UBE2D3: variants seen among roughly 807,000 people sequenced by gnomAD.
The protein encoded by UBE2D3 is ubiquitin-conjugating enzyme E2 D3.
In UBE2D3, 2 loss-of-function variants were observed where a neutral mutation model predicts 22.8. The ratio of observed to expected loss-of-function variants is 0.09; its 90% CI spans 0.04 to 0.28. UBE2D3 has a LOEUF of 0.28. Among genes scored for constraint, UBE2D3 ranks in the 10% least tolerant of loss-of-function variants. The pLI is 1.00. For missense variants in UBE2D3, 27 were observed against 182.5 expected (o/e 0.15, Z 4.91); for synonymous variants, 56 against 60.4 (o/e 0.93, Z 0.34).
intron 1 of UBE2D3, among the ~76,000 whole-genome samples, chr4:102,841,178 A>T (rs886823891): frequency 1.3e-5 from 2 of 152,186 alleles, no homozygotes; most frequent in African/African-American, 4.8e-5. Context: ...TTTTTAAATG[A>T]GGAGGGAATA....
At chr4:102,804,227 C>T (rs1198232097) in intron 4 of UBE2D3, among the ~76,000 whole-genome samples, 3 of 151,950 alleles carry the variant, frequency 2.0e-5, no homozygotes, top group Admixed American at 1.3e-4. Context: ...AATGGTGCAA[C>T]CTCAGCTCAC....
chr4:102,807,451 T>C (rs1355793505), intron 4 of UBE2D3, among the ~76,000 whole-genome samples: 1 of 152,194 alleles, frequency 6.6e-6, no homozygotes, highest in Admixed American at 6.5e-5. Context: ...TTTGACTCCT[T>C]CTTGAAATTT....
chr4:102,812,555 G>C (rs1242362055), intron 2 of UBE2D3: 2 of 152,186 alleles, frequency 1.3e-5, no homozygotes, highest in Admixed American at 6.5e-5. Flanking sequence ...TGAAAAATCA[G>C]ATAATGTTGA....
chr4:102,841,527 A>G (rs1176037839), intron 1 of UBE2D3, among the ~76,000 whole-genome samples: 2 of 152,104 alleles, frequency 1.3e-5, no homozygotes, highest in Non-Finnish European at 2.9e-5. Context: ...CCCTTTCCTT[A>G]TGAGTGTCCA....
At chr4:102,862,604 C>T (rs1286338999) in intron 1 of UBE2D3, among the ~76,000 whole-genome samples, 2 of 152,086 alleles carry the variant, frequency 1.3e-5, no homozygotes, top group South Asian at 2.1e-4. Flanking sequence ...GAAGAGAATG[C>T]GTAGATTGTG....
chr4:102,805,071 A>T (rs2110266122), intron 4 of UBE2D3, among the ~76,000 whole-genome samples: 1 of 152,298 alleles, frequency 6.6e-6, no homozygotes, highest in Middle Eastern at 3.4e-3. Context: ...GCTGTCTATG[A>T]CTGCTTCTGA....
In UBE2D3 at chr4:102,826,689, G is replaced by A. The variant is rs552588589; in HGVS notation, c.-128-53C>T. The A allele has an allele frequency of 3.4e-6, 5 of 1,483,292 alleles. No homozygotes were observed. In the South Asian group the frequency reaches 6.9e-5, roughly 20 times the overall value. 91.9% of individuals were successfully genotyped at this position (1,483,292 alleles called of 1,614,324 possible). A position where few individuals can be genotyped will look rare whatever the true frequency, so the allele number is the denominator to read the frequency against. ...CTCGCACAGGCCCCGAAGAGCCCCT[G>A]ATGAATCCAGGTCCCTTAAGACAGC... On this transcript the variant is annotated intron_variant, in intron 1 of 7. Coordinates refer to ENST00000453744, the MANE Select transcript of UBE2D3 (RefSeq NM_181891.3).
intron 2 of UBE2D3, among the ~76,000 whole-genome samples, chr4:102,819,775 T>C (rs1220075258): frequency 6.6e-6 from 1 of 152,224 alleles, no homozygotes; most frequent in Non-Finnish European, 1.5e-5. Flanking sequence ...ACAAAGGTCA[T>C]ACAGAGGACA....
At chr4:102,844,071 A>G (rs1731913211) in intron 1 of UBE2D3, 1 of 152,102 alleles carries the variant, frequency 6.6e-6, no homozygotes, top group Non-Finnish European at 1.5e-5. Context: ...TGGCATCCCT[A>G]CCTAATTAAA....
intron 2 of UBE2D3, 37 bp downstream of exon 2, chr4:102,826,448 T>A: frequency 6.2e-7 from 1 of 1,613,330 alleles, no homozygotes; most frequent in Non-Finnish European, 8.5e-7. Flanking sequence ...GCCTTCCTTT[T>A]CTCCTACCAC....
At chr4:102,835,828 A>G (rs754358499) in intron 1 of UBE2D3, among the ~76,000 whole-genome samples, 2 of 152,158 alleles carry the variant, frequency 1.3e-5, no homozygotes, top group Non-Finnish European at 2.9e-5. Flanking sequence ...GAACTTCACC[A>G]CAAGTTTCCT....
intron 1 of UBE2D3, among the ~76,000 whole-genome samples, chr4:102,853,638 T>C (rs113541955): frequency 0.015 from 2,352 of 152,288 alleles, 27 homozygotes; most frequent in Non-Finnish European, 0.024. Flanking sequence ...TTCTGTAAAA[T>C]ATCTGGGAAG....
At chr4:102,821,890 C>A (rs1234196039) in intron 2 of UBE2D3, among the ~76,000 whole-genome samples, 1 of 152,110 alleles carries the variant, frequency 6.6e-6, no homozygotes, top group Non-Finnish European at 1.5e-5. Context: ...TATACGCTAA[C>A]AGATACAAGA....
intron 6 of UBE2D3, 123 bp downstream of exon 6, chr4:102,801,331 T>G: frequency 1.3e-6 from 1 of 749,756 alleles, no homozygotes; most frequent in Non-Finnish European, 2.1e-6. Context: ...ATTATAAAAG[T>G]AACTTTATTG....
rs1241979660 is a variant in UBE2D3 at position 102,802,889 on chromosome 4, G to GC, written c.121-252dup. ...TTTTTTTAAAAAGTTATCCAGAAAC[G>GC]CAAGTATTCTAGATCTCAATTCTCA... On this transcript the variant is annotated intron_variant, in intron 4 of 7. Coordinates refer to ENST00000453744, the MANE Select transcript of UBE2D3 (RefSeq NM_181891.3). 5.9e-5 allele frequency among the ~76,000 whole-genome samples: 9 copies of GC among 152,046 alleles called. No individual in the cohort carries two copies. The East Asian group carries it at 9.6e-4, about 16-fold the overall frequency.
chr4:102,819,500 C>A (rs1056616370), intron 2 of UBE2D3: 11 of 930,250 alleles, frequency 1.2e-5, no homozygotes, highest in South Asian at 5.0e-5. Flanking sequence ...CTTTCAATGA[C>A]AGCCAGTATC....
At position 102,821,897 on chromosome 4, in the gene UBE2D3, A is replaced by G. The variant is rs190318615; in HGVS notation, c.24+4588T>C. On this transcript the variant is annotated intron_variant, in intron 2 of 7. Coordinates refer to ENST00000453744, the MANE Select transcript of UBE2D3 (RefSeq NM_181891.3). ...AGCTCTTCTATACGCTAACAGATAC[A>G]AGAAAACTGCTATTTAAAAAAAGAA... is the stretch of plus-strand genomic sequence containing the variant. 2.6e-5 allele frequency among the ~76,000 whole-genome samples: 4 copies of G among 152,370 alleles called. No homozygotes were observed. In the East Asian group the frequency reaches 7.7e-4, roughly 29 times the overall value.
chr4:102,864,652 A>C (rs916155322), intron 1 of UBE2D3, among the ~76,000 whole-genome samples: 2 of 152,238 alleles, frequency 1.3e-5, no homozygotes, highest in Non-Finnish European at 2.9e-5. Context: ...AATTTTCAGT[A>C]AAAAGTTAAG....
At chr4:102,843,443 A>G (rs1204079412) in intron 1 of UBE2D3, 1 of 152,184 alleles carries the variant, frequency 6.6e-6, no homozygotes, top group Non-Finnish European at 1.5e-5. Flanking sequence ...ATCAAACTGT[A>G]CAACTGGATG....
Sources: gnomAD v4.1 joint callset for allele counts (sites outside exome capture counted in the v4.1 genomes callset) on GRCh38, gnomAD v4.1.1 for gene constraint, MANE v1.5 for transcripts, NCBI Gene and HGNC (gene_info 2026-07-23, HGNC 2026-07-21) for gene names.